Variants in OTUD7B observed in about 807,000 individuals in gnomAD.
The protein encoded by OTUD7B is OTU domain-containing protein 7B.
In OTUD7B, 34 loss-of-function variants were observed where a neutral mutation model predicts 82.2. That is an observed-to-expected ratio of 0.41 (90% CI 0.31 to 0.55). OTUD7B has a LOEUF of 0.55. OTUD7B is among the 20% of genes least tolerant of loss of function. The pLI, the probability that OTUD7B is intolerant of heterozygous loss-of-function variation, is 0.20. For synonymous variants in OTUD7B, 398 were observed against 402.7 expected (o/e 0.99, Z 0.14); for missense variants, 944 against 1,062.1 (o/e 0.89, Z 1.55).
At chr1:150,050,727 A>G in the OTUD7B span, among the ~76,000 whole-genome samples, 2 of 152,102 alleles carry the variant, frequency 1.3e-5, no homozygotes, top group African/African-American at 4.8e-5. Flanking sequence ...TCACATAACA[A>G]TTACTCAGTA....
At chr1:150,010,170 G>A (rs144445563) in intron 1 of OTUD7B, among the ~76,000 whole-genome samples, 2 of 152,224 alleles carry the variant, frequency 1.3e-5, no homozygotes, top group African/African-American at 2.4e-5. Context: ...AGGGGGGACC[G>A]TCCAAACTGG....
intron 1 of OTUD7B, among the ~76,000 whole-genome samples, chr1:149,989,561 AAAAC>A (rs1261144201): frequency 1.3e-5 from 2 of 151,498 alleles, no homozygotes; most frequent in Non-Finnish European, 2.9e-5. Context: ...ATCTCTACAA[AAAAC>A]AAAACAAACA....
chr1:149,970,956 G>A (rs1649880251), intron 3 of OTUD7B, 107 bp downstream of exon 3: 1 of 1,068,420 alleles, frequency 9.4e-7, no homozygotes, highest in Admixed American at 2.6e-5. Context: ...CTGGGAGAAG[G>A]GGAAGAAATG....
chr1:150,035,070 G>C, the OTUD7B span, among the ~76,000 whole-genome samples: 3 of 151,766 alleles, frequency 2.0e-5, no homozygotes, highest in African/African-American at 7.3e-5. Flanking sequence ...CTTGAACCCA[G>C]GAGGCAGAGG....
the OTUD7B span, among the ~76,000 whole-genome samples, chr1:150,036,193 A>G: frequency 1.3e-5 from 2 of 149,878 alleles, no homozygotes; most frequent in African/African-American, 4.9e-5. Context: ...GGCTGAAGCA[A>G]TCCTCCCACC....
rs1347533782 is a variant in OTUD7B at position 149,944,381 on chromosome 1, C to T, written c.2008G>A (p.Asp670Asn). The change falls in exon 12 of 12, where the codon GAT becomes AAT. Residue 670 changes from aspartate (D) to asparagine (N), a missense_variant. Asp to Asn is a conservative substitution (Grantham distance 23). Around this residue, in one of 3 missense-constraint regions of OTUD7B, gnomAD observed 412 missense variants for 418.7 expected, o/e 0.98. Coordinates refer to ENST00000581312, the MANE Select transcript of OTUD7B (RefSeq NM_020205.4). ...CCGGTCGGCTGCTCTTCCCTAGCATCTGGCTCTGGCTTTTTGGCTGGAGGA... is the reference window on the plus strand; with the variant it reads ...CCGGTCGGCTGCTCTTCCCTAGCATTTGGCTCTGGCTTTTTGGCTGGAGGA... ...GPPPAKKPEP[D>N]AREEQPTGPP... 28 of 1,613,952 alleles carry T rather than the reference C, an allele frequency of 1.7e-5. No individual in the cohort carries two copies. The highest frequency in any genetic ancestry group is 2.3e-5 in the Non-Finnish European group (27 of 1,179,972).
chr1:150,030,177 A>C, the OTUD7B span, among the ~76,000 whole-genome samples: 14 of 152,144 alleles, frequency 9.2e-5, no homozygotes, highest in Non-Finnish European at 2.1e-4. Context: ...AACTTTAACC[A>C]CCATCTTCCT....
At chr1:150,046,907 C>T in the OTUD7B span, among the ~76,000 whole-genome samples, 14 of 151,986 alleles carry the variant, frequency 9.2e-5, no homozygotes, top group Non-Finnish European at 1.8e-4. Flanking sequence ...CCCATCTCTA[C>T]TAAAAATACA....
the OTUD7B span, among the ~76,000 whole-genome samples, chr1:150,035,285 C>T: frequency 6.6e-6 from 1 of 152,064 alleles, no homozygotes; most frequent in African/African-American, 2.4e-5. Context: ...ATTGGTAATA[C>T]AGTAATCCAA....
the OTUD7B span, among the ~76,000 whole-genome samples, chr1:150,052,007 T>A: frequency 6.6e-6 from 1 of 152,144 alleles, no homozygotes; most frequent in African/African-American, 2.4e-5. Context: ...AAACTATGCA[T>A]TAAAGGAACA....
chr1:149,985,411 TAAAC>T (rs368002367), intron 1 of OTUD7B, among the ~76,000 whole-genome samples: 44 of 151,782 alleles, frequency 2.9e-4, no homozygotes, highest in African/African-American at 1.0e-3. Flanking sequence ...CATCTCAAAA[TAAAC>T]AAACAAAAAA....
chr1:150,007,487 T>C (rs1339910820), intron 1 of OTUD7B, among the ~76,000 whole-genome samples: 2 of 152,228 alleles, frequency 1.3e-5, no homozygotes, highest in Admixed American at 6.5e-5. Context: ...TTTGTCTATA[T>C]GTTGTTTCCT....
upstream of OTUD7B, among the ~76,000 whole-genome samples, chr1:150,013,816 G>C (rs1653173265): frequency 6.7e-6 from 1 of 150,076 alleles, no homozygotes; most frequent in South Asian, 2.1e-4. Flanking sequence ...CAGCTACTTG[G>C]GAGGCTGAAG....
the OTUD7B span, among the ~76,000 whole-genome samples, chr1:150,058,971 ATATAT>A: frequency 2.0e-5 from 3 of 152,062 alleles, no homozygotes; most frequent in Non-Finnish European, 4.4e-5. Flanking sequence ...TTTAAAGTAA[ATATAT>A]TATGTATTAG....
chr1:150,059,779 T>C, the OTUD7B span, among the ~76,000 whole-genome samples: 1 of 152,166 alleles, frequency 6.6e-6, no homozygotes, highest in Admixed American at 6.5e-5. Flanking sequence ...GCAGCCTTGC[T>C]CTTCAAAGAG....
At chr1:150,025,491 T>C in the OTUD7B span, among the ~76,000 whole-genome samples, 1 of 149,946 alleles carries the variant, frequency 6.7e-6, no homozygotes, top group Non-Finnish European at 1.5e-5. Flanking sequence ...CAGGAAAGAC[T>C]GAAACCCAGG....
chr1:149,959,866 C>T, intron 6 of OTUD7B, 70 bp from the exon 7 acceptor site: 1 of 938,012 alleles, frequency 1.1e-6, no homozygotes, highest in Non-Finnish European at 1.8e-6. Flanking sequence ...ACCTATTCCA[C>T]CTTATTCACT....
chr1:150,053,478 C>T, the OTUD7B span, among the ~76,000 whole-genome samples: 1 of 151,766 alleles, frequency 6.6e-6, no homozygotes, highest in Non-Finnish European at 1.5e-5. Flanking sequence ...CTCACCGCAA[C>T]TTCTGCCTCT....
At chr1:150,003,812 C>G (rs890065588) in intron 1 of OTUD7B, among the ~76,000 whole-genome samples, 1 of 152,190 alleles carries the variant, frequency 6.6e-6, no homozygotes, top group East Asian at 1.9e-4. Flanking sequence ...CTCTTGGCTA[C>G]AGCTACCACA....
Sources: allele counts gnomAD v4.1 joint callset (sites outside exome capture counted in the v4.1 genomes callset), GRCh38; gene constraint gnomAD v4.1.1; regional missense constraint gnomAD v4.1.1; transcripts MANE v1.5; gene names NCBI Gene and HGNC (gene_info 2026-07-23, HGNC 2026-07-21).